Variants in BTRC observed in about 807,000 individuals in gnomAD.
BTRC encodes the protein F-box/WD repeat-containing protein 1A.
A neutral mutation model predicts 85.5 loss-of-function variants in BTRC; 42 were observed. That is an observed-to-expected ratio of 0.49 (90% CI 0.38 to 0.64). BTRC has a LOEUF of 0.64. BTRC is among the 30% of genes least tolerant of loss of function. BTRC has a pLI of 0.00. For missense variants in BTRC, 594 were observed against 743.5 expected, an observed-to-expected ratio of 0.80 and a Z score of 2.34; for synonymous variants, 255 against 263.3, an observed-to-expected ratio of 0.97 and a Z score of 0.30.
chr10:101,474,609 TTC>T (rs985570818), intron 3 of BTRC, among the ~76,000 whole-genome samples: 8 of 152,194 alleles, frequency 5.3e-5, no homozygotes, highest in African/African-American at 1.7e-4. Context: ...TCCCCTGTGG[TTC>T]TCTTTCATTT....
intron 4 of BTRC, among the ~76,000 whole-genome samples, chr10:101,482,597 G>A (rs1280937314): frequency 2.0e-5 from 3 of 151,684 alleles, no homozygotes; most frequent in East Asian, 3.9e-4. Context: ...GGGTTTCACC[G>A]CGTTGGCCGG....
chr10:101,374,417 T>G (rs1313380986), intron 1 of BTRC, among the ~76,000 whole-genome samples: 1 of 150,886 alleles, frequency 6.6e-6, no homozygotes, highest in African/African-American at 2.4e-5. Context: ...ATTAAGAAAA[T>G]GTGGCACATA....
At chr10:101,485,665 G>A (rs934633595) in intron 4 of BTRC, among the ~76,000 whole-genome samples, 1 of 152,088 alleles carries the variant, frequency 6.6e-6, no homozygotes, top group Non-Finnish European at 1.5e-5. Context: ...TTTTTAAATA[G>A]CAGCGGTTCA....
At chr10:101,358,728 G>A (rs1942114651) in intron 1 of BTRC, among the ~76,000 whole-genome samples, 2 of 152,126 alleles carry the variant, frequency 1.3e-5, no homozygotes, top group African/African-American at 4.8e-5. Context: ...AAAGTGTGGT[G>A]GCAAGGTTCT....
intron 1 of BTRC, among the ~76,000 whole-genome samples, chr10:101,418,516 A>G (rs571267734): frequency 2.6e-5 from 4 of 152,154 alleles, no homozygotes; most frequent in Admixed American, 6.5e-5. Flanking sequence ...CTTATTTTCA[A>G]TAAATTTTTA....
At chr10:101,386,555 T>C (rs1456643455) in intron 1 of BTRC, among the ~76,000 whole-genome samples, 1 of 152,230 alleles carries the variant, frequency 6.6e-6, no homozygotes, top group Admixed American at 6.5e-5. Context: ...TCTTATGTTA[T>C]CCCACATGCT....
chr10:101,553,353 G>A lies in BTRC; in HGVS notation c.*230G>A, dbSNP rs1238562032. ...GACTGCTTCAGTGCTGCTATCAGAA[G>A]ATGTCTTCTATCTTTTGTGAATGAT... On this transcript the variant is annotated 3_prime_UTR_variant, in exon 15 of 15. Transcript: ENST00000370187. The A allele has an allele frequency of 6.6e-6, 1 of 152,634 alleles. No individual in the cohort carries two copies. Among genetic ancestry groups the A allele is most frequent in the African/African-American group, 2.4e-5 (1 of 41,428 alleles). The allele number at this position is 152,634 out of a possible 1,614,324, so 9.5% of individuals were successfully genotyped here.
intron 1 of BTRC, among the ~76,000 whole-genome samples, chr10:101,396,572 T>G (rs1943369636): frequency 6.6e-6 from 1 of 152,046 alleles, no homozygotes; most frequent in African/African-American, 2.4e-5. Context: ...GCAAAATATG[T>G]GGTATAGAAC....
At chr10:101,509,181 T>G (rs796404078) in intron 4 of BTRC, among the ~76,000 whole-genome samples, 6 of 146,672 alleles carry the variant, frequency 4.1e-5, no homozygotes, top group African/African-American at 1.6e-4. Context: ...TCTCTTTCCA[T>G]TCTAATCAAA....
chr10:101,532,781 T>C (rs138474192), intron 8 of BTRC, among the ~76,000 whole-genome samples, 171 bp from the exon 9 acceptor site: 7,381 of 80,584 alleles, frequency 0.092, 268 homozygotes, highest in Non-Finnish European at 0.1. Context: ...TGTGTGTGTG[T>C]GTGTGTGTGC....
At chr10:101,403,771 T>A (rs1468734314) in intron 1 of BTRC, among the ~76,000 whole-genome samples, 1 of 151,706 alleles carries the variant, frequency 6.6e-6, no homozygotes, top group Non-Finnish European at 1.5e-5. Context: ...TGTAAGAAAT[T>A]TTCTGTAGAG....
At chr10:101,453,950 G>A (rs535268980) in intron 2 of BTRC, among the ~76,000 whole-genome samples, 4 of 152,292 alleles carry the variant, frequency 2.6e-5, no homozygotes, top group South Asian at 2.1e-4. Context: ...CAGACAAATC[G>A]TAAATGGATG....
At chr10:101,384,367 TA>T (rs1406189174) in intron 1 of BTRC, among the ~76,000 whole-genome samples, 1 of 152,228 alleles carries the variant, frequency 6.6e-6, no homozygotes, top group Non-Finnish European at 1.5e-5. Flanking sequence ...TCTTTCCGAA[TA>T]AAAAGTTTAA....
chr10:101,525,512 T>C (rs2062177156), intron 5 of BTRC, among the ~76,000 whole-genome samples: 1 of 152,220 alleles, frequency 6.6e-6, no homozygotes, highest in Admixed American at 6.5e-5. Flanking sequence ...CAAAATTCTA[T>C]AACCCAGCAC....
At chr10:101,520,340 A>C (rs773321535) in intron 4 of BTRC, among the ~76,000 whole-genome samples, 2 of 152,046 alleles carry the variant, frequency 1.3e-5, no homozygotes, top group Non-Finnish European at 2.9e-5. Context: ...GGTATAAGCT[A>C]CTGCACCTGG....
At chr10:101,468,772 C>T (rs1179883405) in intron 3 of BTRC, among the ~76,000 whole-genome samples, 1 of 152,126 alleles carries the variant, frequency 6.6e-6, no homozygotes, top group Admixed American at 6.5e-5. Context: ...AGCCCAGTAA[C>T]AAGTTTGTGT....
At chr10:101,380,980 A>G (rs1942913465) in intron 1 of BTRC, among the ~76,000 whole-genome samples, 2 of 152,274 alleles carry the variant, frequency 1.3e-5, no homozygotes, top group South Asian at 2.1e-4. Context: ...TGGTATTTGT[A>G]TATCTAAACA....
chr10:101,366,823 T>A lies in BTRC; in HGVS notation c.48+12595T>A, dbSNP rs1335790834. ...TTATATATATATTTATATATATTAA[T>A]ATATATTTATATATATTTATGTATA... On this transcript the variant is annotated intron_variant, in intron 1 of 14. Coordinates refer to ENST00000370187, the MANE Select transcript of BTRC (RefSeq NM_033637.4). 7.8e-5 allele frequency among the ~76,000 whole-genome samples: 3 copies of A among 38,378 alleles called. 1 individual carries two copies. Among genetic ancestry groups the A allele is most frequent in the Non-Finnish European group, 1.2e-4 (3 of 24,626 alleles). 25.2% of individuals were successfully genotyped at this position (38,378 alleles called of 152,430 possible).
chr10:101,435,648 T>G (rs1416397189), intron 2 of BTRC, among the ~76,000 whole-genome samples: 1 of 152,214 alleles, frequency 6.6e-6, no homozygotes, highest in East Asian at 1.9e-4. Flanking sequence ...ATAAAGCTAC[T>G]ATAAACAGTT....
Sources: allele counts gnomAD v4.1 joint callset (sites outside exome capture counted in the v4.1 genomes callset), GRCh38; gene constraint gnomAD v4.1.1; transcripts MANE v1.5; gene names NCBI Gene and HGNC (gene_info 2026-07-23, HGNC 2026-07-21).